TRDN: variants seen among roughly 807,000 people sequenced by gnomAD.
TRDN encodes the protein triadin in skeletal muscle.
In TRDN, 161 loss-of-function variants were observed where a neutral mutation model predicts 149.7. The observed-to-expected ratio is 1.08, with a 90% CI of 0.95 to 1.23. The LOEUF is 1.23. Ranked by LOEUF, TRDN falls within the 50% of genes most tolerant of loss-of-function variation. The pLI, the probability that TRDN is intolerant of heterozygous loss-of-function variation, is 0.00. For missense variants in TRDN, 896 were observed against 823.5 expected (o/e 1.09, Z -1.08); for synonymous variants, 294 against 250.5 (o/e 1.17, Z -1.64).
chr6:123,402,773 T>A (rs547561497), intron 12 of TRDN, among the ~76,000 whole-genome samples: 1 of 151,914 alleles, frequency 6.6e-6, no homozygotes, highest in Non-Finnish European at 1.5e-5. Flanking sequence ...CAAATGTTAA[T>A]GGAAATGGAA....
intron 1 of TRDN, among the ~76,000 whole-genome samples, chr6:123,631,795 G>A (rs1351882347): frequency 2.0e-5 from 3 of 151,640 alleles, no homozygotes; most frequent in African/African-American, 7.3e-5. Flanking sequence ...CCCATTATCA[G>A]CCTCAACATA....
intron 29 of TRDN, among the ~76,000 whole-genome samples, chr6:123,271,786 C>T (rs188633300): frequency 3.3e-5 from 5 of 152,080 alleles, no homozygotes; most frequent in African/African-American, 7.2e-5. Context: ...ATCAACTGAT[C>T]AAATATCCTA....
intron 21 of TRDN, among the ~76,000 whole-genome samples, chr6:123,346,866 A>G (rs1780271534): frequency 6.6e-6 from 1 of 152,038 alleles, no homozygotes; most frequent in African/African-American, 2.4e-5. Context: ...TGCATAGCAG[A>G]AAGACTGGCA....
intron 1 of TRDN, among the ~76,000 whole-genome samples, chr6:123,612,099 T>C (rs1784845152): frequency 1.3e-5 from 2 of 150,982 alleles, no homozygotes; most frequent in Non-Finnish European, 2.9e-5. Flanking sequence ...AGTTCGAAAA[T>C]AGAAGAGGGG....
At chr6:123,571,471 T>C (rs1782574152) in intron 1 of TRDN, among the ~76,000 whole-genome samples, 1 of 150,556 alleles carries the variant, frequency 6.6e-6, no homozygotes, top group South Asian at 2.1e-4. Context: ...AGTGAGGTCA[T>C]CTAATGAGGT....
At chr6:123,355,535 A>G (rs1479776245) in intron 20 of TRDN, among the ~76,000 whole-genome samples, 2 of 151,714 alleles carry the variant, frequency 1.3e-5, no homozygotes, top group Non-Finnish European at 3.0e-5. Flanking sequence ...ATAATTCTTG[A>G]TATCTACTAC....
chr6:123,460,954 G>A (rs568166950), intron 10 of TRDN, among the ~76,000 whole-genome samples: 3 of 151,662 alleles, frequency 2.0e-5, no homozygotes, highest in African/African-American at 7.3e-5. Flanking sequence ...ACTTATTTTT[G>A]TGTTTCAGTA....
At chr6:123,508,483 A>G (rs1779028975) in intron 7 of TRDN, among the ~76,000 whole-genome samples, 1 of 152,180 alleles carries the variant, frequency 6.6e-6, no homozygotes, top group Admixed American at 6.6e-5. Context: ...TCAAACACAC[A>G]GACATCTGAA....
At chr6:123,632,905 C>T (rs1291884415) in intron 1 of TRDN, among the ~76,000 whole-genome samples, 1 of 151,372 alleles carries the variant, frequency 6.6e-6, no homozygotes, top group Non-Finnish European at 1.5e-5. Flanking sequence ...GCTGCAGACT[C>T]TATGGGAGTA....
intron 16 of TRDN, among the ~76,000 whole-genome samples, chr6:123,379,286 T>C (rs2114408814): frequency 6.6e-6 from 1 of 152,280 alleles, no homozygotes; most frequent in East Asian, 1.9e-4. Context: ...TGTGGTATAA[T>C]GAGCAACTTA....
intron 5 of TRDN, among the ~76,000 whole-genome samples, chr6:123,525,283 C>G (rs1779888286): frequency 6.6e-6 from 1 of 151,922 alleles, no homozygotes; most frequent in Admixed American, 6.6e-5. Flanking sequence ...TTCGCAGTGG[C>G]AAAGTCATGG....
intron 38 of TRDN, among the ~76,000 whole-genome samples, chr6:123,244,185 TCTC>T (rs1161221988): frequency 1.3e-5 from 2 of 151,898 alleles, no homozygotes; most frequent in South Asian, 2.1e-4. Context: ...GAATGCCTCT[TCTC>T]CTCCAAAGGA....
At chr6:123,223,540 T>C (rs6927021) in intron 39 of TRDN, among the ~76,000 whole-genome samples, 8,111 of 151,852 alleles carry the variant, frequency 0.053, 641 homozygotes, top group African/African-American at 0.19. Context: ...GAAGCCCTCA[T>C]TCTACAGATG....
At chr6:123,290,725 T>C (rs1387269630) in intron 24 of TRDN, among the ~76,000 whole-genome samples, 2 of 152,204 alleles carry the variant, frequency 1.3e-5, no homozygotes, top group African/African-American at 4.8e-5. Flanking sequence ...TAGGTTTATA[T>C]AAAATGTGCC....
chr6:123,407,897 A>T (rs550161475), intron 12 of TRDN, among the ~76,000 whole-genome samples: 3 of 152,302 alleles, frequency 2.0e-5, no homozygotes, highest in South Asian at 2.1e-4. Context: ...ATTTTTCCAC[A>T]AAGACCTCAC....
intron 2 of TRDN, among the ~76,000 whole-genome samples, chr6:123,563,206 T>C (rs1319852253): frequency 1.3e-5 from 2 of 152,238 alleles, no homozygotes; most frequent in East Asian, 3.8e-4. Context: ...CAAATAGATG[T>C]ATATTTCACC....
chr6:123,536,780 A>G (rs1780565666), intron 4 of TRDN, among the ~76,000 whole-genome samples: 1 of 151,956 alleles, frequency 6.6e-6, no homozygotes, highest in Non-Finnish European at 1.5e-5. Context: ...GCTACTTGGG[A>G]GGCTGAGACA....
chr6:123,559,117 C>T (rs942430027), intron 2 of TRDN, among the ~76,000 whole-genome samples: 3 of 152,222 alleles, frequency 2.0e-5, no homozygotes, highest in African/African-American at 2.4e-5. Context: ...TGACACTGCC[C>T]GATCACCTCA....
intron 19 of TRDN, among the ~76,000 whole-genome samples, chr6:123,369,821 G>A (rs1781254006): frequency 6.6e-6 from 1 of 151,954 alleles, no homozygotes; most frequent in Admixed American, 6.6e-5. Flanking sequence ...CTTTTGCCAA[G>A]TCAAGGCCTT....
Sources: gnomAD v4.1 joint callset for allele counts (sites outside exome capture counted in the v4.1 genomes callset) on GRCh38, gnomAD v4.1.1 for gene constraint, MANE v1.5 for transcripts, NCBI Gene and HGNC (gene_info 2026-07-23, HGNC 2026-07-21) for gene names.